MPPED2: variants seen among roughly 807,000 people sequenced by gnomAD.
MPPED2 encodes the protein metallophosphoesterase MPPED2.
MPPED2 carries 5 observed loss-of-function variants against 33.0 expected under a neutral mutation model. The observed-to-expected ratio is 0.15, with a 90% confidence interval of 0.08 to 0.32. The LOEUF (loss-of-function observed/expected upper bound fraction) is 0.32. MPPED2 is among the 10% of genes least tolerant of loss of function. MPPED2 has a pLI of 1.00. For missense variants in MPPED2, 275 were observed against 372.1 expected (o/e 0.74, Z 2.15); for synonymous variants, 136 against 141.9 (o/e 0.96, Z 0.29).
At chr11:30,398,267 GAAT>G (rs1315416780) in intron 6 of MPPED2, among the ~76,000 whole-genome samples, 1 of 152,096 alleles carries the variant, frequency 6.6e-6, no homozygotes, top group African/African-American at 2.4e-5. Context: ...TAAGAATAAT[GAAT>G]AATGAATAAT....
intron 3 of MPPED2, among the ~76,000 whole-genome samples, chr11:30,514,364 T>C (rs1953400362): frequency 6.6e-6 from 1 of 152,210 alleles, no homozygotes; most frequent in Non-Finnish European, 1.5e-5. Flanking sequence ...CATTACTTCA[T>C]GCTATACCTG....
chr11:30,476,137 G>C (rs552801001), intron 4 of MPPED2, among the ~76,000 whole-genome samples: 75 of 151,950 alleles, frequency 4.9e-4, no homozygotes, highest in Non-Finnish European at 8.8e-4. Flanking sequence ...ATGTATTCTG[G>C]ATAGAGATTT....
intron 4 of MPPED2, among the ~76,000 whole-genome samples, chr11:30,485,145 G>T (rs1337275790): frequency 6.6e-6 from 1 of 152,216 alleles, no homozygotes; most frequent in South Asian, 2.1e-4. Context: ...GAACATAAAG[G>T]CTTTGGAAGC....
intron 4 of MPPED2, chr11:30,451,942 A>C (rs1950081557): frequency 2.0e-6 from 2 of 985,322 alleles, no homozygotes; most frequent in African/African-American, 1.7e-5. Context: ...TGAGAATGGA[A>C]TCACACCAAT....
chr11:30,449,863 TC>T (rs769789770), intron 4 of MPPED2, among the ~76,000 whole-genome samples: 1 of 151,978 alleles, frequency 6.6e-6, no homozygotes, highest in Non-Finnish European at 1.5e-5. Flanking sequence ...TCCATTAGTT[TC>T]CCCCAAAATT....
intron 1 of MPPED2, among the ~76,000 whole-genome samples, chr11:30,583,158 T>TGGTAAACTC (rs1957266163): frequency 8.3e-6 from 1 of 120,836 alleles, no homozygotes; most frequent in Non-Finnish European, 1.7e-5. Context: ...TTTTTTTTTT[T>TGGTAAACTC]TTTTTTTGGT....
At chr11:30,518,341 C>G (rs1953657919) in intron 3 of MPPED2, among the ~76,000 whole-genome samples, 1 of 152,136 alleles carries the variant, frequency 6.6e-6, no homozygotes, top group Non-Finnish European at 1.5e-5. Flanking sequence ...CCAGTTTATC[C>G]AGCTGTATTT....
chr11:30,487,317 C>G (rs1951785077), intron 4 of MPPED2, among the ~76,000 whole-genome samples: 1 of 152,216 alleles, frequency 6.6e-6, no homozygotes, highest in Non-Finnish European at 1.5e-5. Context: ...GCACTTCCCT[C>G]TTGGTGCATA....
chr11:30,555,706 C>T (rs548502641), intron 2 of MPPED2, among the ~76,000 whole-genome samples: 5 of 152,288 alleles, frequency 3.3e-5, no homozygotes, highest in African/African-American at 1.2e-4. Flanking sequence ...GAGGCCTTCC[C>T]AGCTGTGTGG....
intron 4 of MPPED2, among the ~76,000 whole-genome samples, chr11:30,443,436 G>A (rs1949669612): frequency 6.6e-6 from 1 of 152,096 alleles, no homozygotes; most frequent in African/African-American, 2.4e-5. Flanking sequence ...CTGACTTCAG[G>A]GTCAGGCTTT....
chr11:30,463,997 A>C (rs917425730), intron 4 of MPPED2, among the ~76,000 whole-genome samples: 1 of 152,178 alleles, frequency 6.6e-6, no homozygotes, highest in African/African-American at 2.4e-5. Context: ...AAATTCAAAG[A>C]GACATTTAAA....
At chr11:30,388,883 T>G in exon 7 of MPPED2, 1 of 1,558,318 alleles carries the variant, frequency 6.4e-7, no homozygotes, top group Non-Finnish European at 8.7e-7. Flanking sequence ...GCCAGTTTCC[T>G]CTAGACTAGG....
intron 4 of MPPED2, chr11:30,425,450 A>C (rs1948791970): frequency 6.6e-6 from 1 of 152,198 alleles, no homozygotes; most frequent in Non-Finnish European, 1.5e-5. Flanking sequence ...AGCCCTCTCA[A>C]GCATACCTGC....
intron 2 of MPPED2, among the ~76,000 whole-genome samples, chr11:30,537,941 T>C (rs922538271): frequency 6.6e-5 from 10 of 152,076 alleles, no homozygotes; most frequent in African/African-American, 2.2e-4. Flanking sequence ...TTGGTTACAC[T>C]CAGTCTCGGT....
chr11:30,453,874 CTGGGACCACATTTGAA>C (rs1318580138), intron 4 of MPPED2, among the ~76,000 whole-genome samples: 2 of 152,174 alleles, frequency 1.3e-5, no homozygotes, highest in African/African-American at 2.4e-5. Flanking sequence ...GAGGAGGGGA[CTGGGACCACATTTGAA>C]TGGCATTCAC....
chr11:30,576,670 C>T (rs1259107862), intron 2 of MPPED2, among the ~76,000 whole-genome samples: 2 of 152,006 alleles, frequency 1.3e-5, no homozygotes, highest in Non-Finnish European at 2.9e-5. Context: ...ATTAAAAATA[C>T]TAAATAATTT....
intron 6 of MPPED2, among the ~76,000 whole-genome samples, chr11:30,412,031 T>A (rs1173490568): frequency 6.6e-6 from 1 of 151,942 alleles, no homozygotes; most frequent in Admixed American, 6.6e-5. Flanking sequence ...GGGGAAAGGA[T>A]ACTGCATTGA....
intron 3 of MPPED2, among the ~76,000 whole-genome samples, chr11:30,516,101 G>T (rs1337061814): frequency 3.9e-5 from 6 of 152,124 alleles, no homozygotes; most frequent in African/African-American, 1.4e-4. Flanking sequence ...TTCCCACTGA[G>T]TTTGGATATA....
chr11:30,560,304 T>G (rs986191868), intron 2 of MPPED2, among the ~76,000 whole-genome samples: 4 of 141,870 alleles, frequency 2.8e-5, no homozygotes. Context: ...ACTAACAAGT[T>G]TTTTTTTTAA....
Sources: allele counts gnomAD v4.1 joint callset (sites outside exome capture counted in the v4.1 genomes callset), GRCh38; gene constraint gnomAD v4.1.1; transcripts MANE v1.5; gene names NCBI Gene and HGNC (gene_info 2026-07-23, HGNC 2026-07-21).